MEGF11: variants seen among roughly 807,000 people sequenced by gnomAD.
MEGF11 encodes multiple EGF like domains 11.
MEGF11 carries 126 observed loss-of-function variants against 146.6 expected under a neutral mutation model. That is an observed-to-expected ratio of 0.86 (90% CI 0.74 to 1.00). The LOEUF (loss-of-function observed/expected upper bound fraction) is 1.00, where lower values mean the gene tolerates loss of function less well. MEGF11 is among the 50% of genes least tolerant of loss of function. The pLI is 0.00. For synonymous variants in MEGF11, 532 were observed against 583.4 expected (o/e 0.91, Z 1.27); for missense variants, 1,509 against 1,521.2 (o/e 0.99, Z 0.13).
chr15:66,240,032 G>A (rs940329637), intron 1 of MEGF11, among the ~76,000 whole-genome samples: 45 of 152,136 alleles, frequency 3.0e-4, no homozygotes, highest in African/African-American at 1.0e-3. Context: ...GCTGGCATTC[G>A]CTTTTCCTCC....
At chr15:66,225,711 C>T (rs2140179491) in intron 1 of MEGF11, among the ~76,000 whole-genome samples, 1 of 152,274 alleles carries the variant, frequency 6.6e-6, no homozygotes, top group African/African-American at 2.4e-5. Flanking sequence ...CAACCCCATG[C>T]ACTCACACAC....
chr15:66,175,569 G>A (rs2090370674), intron 1 of MEGF11, among the ~76,000 whole-genome samples: 2 of 152,180 alleles, frequency 1.3e-5, no homozygotes, highest in South Asian at 2.1e-4. Context: ...ATACAATGGG[G>A]AAAGGACATT....
chr15:65,913,520 AC>A, intron 20 of MEGF11: 1 of 597,796 alleles, frequency 1.7e-6, no homozygotes, highest in Non-Finnish European at 3.0e-6. Context: ...GAGGCTCCCA[AC>A]CACAGCTGCT....
At chr15:66,167,351 C>T (rs997030643) in intron 1 of MEGF11, among the ~76,000 whole-genome samples, 2 of 152,116 alleles carry the variant, frequency 1.3e-5, no homozygotes, top group African/African-American at 4.8e-5. Flanking sequence ...CTAAAGAAGG[C>T]CCATGGATGG....
chr15:65,896,717 A>G lies in MEGF11; in HGVS notation c.*1217T>C, dbSNP rs1248715415. The G allele has an allele frequency of 1.3e-5, 2 of 152,212 alleles. No individual in the cohort carries two copies. Among genetic ancestry groups the G allele is most frequent in the Non-Finnish European group, 2.9e-5 (2 of 68,042 alleles). The allele number at this position is 152,212 out of a possible 1,614,324, so 9.4% of individuals were successfully genotyped here. On this transcript the variant is annotated 3_prime_UTR_variant, in exon 26 of 26. Transcript: ENST00000395614. ...ACATCTGAATACTGGGATCTGGAGC[A>G]TTAGCTCATTGTAATGCATATTGGG...
intron 1 of MEGF11, among the ~76,000 whole-genome samples, chr15:66,177,828 A>C (rs1039448059): frequency 6.6e-6 from 1 of 151,726 alleles, no homozygotes. Context: ...GGGACTACAG[A>C]TGCATGACAC....
chr15:65,898,816 A>G lies in MEGF11; in HGVS notation c.3174T>C (p.Tyr1058=), dbSNP rs139778482. 142 of 1,613,896 alleles carry G rather than the reference A, an allele frequency of 8.8e-5. No individual in the cohort carries two copies. Among genetic ancestry groups the G allele is most frequent in the Middle Eastern group, 3.3e-4 (2 of 6,084 alleles). ...TGTGCACAGGCGACTTCATTTCTAC[A>G]TAGCTGCTTTCTGGAAGCTTGCAGG... is the stretch of plus-strand genomic sequence containing the variant. ...ILTCKLPESS[Y]VEMKSPVHMG... is the part of the protein sequence containing the mutation. Residue 1058 remains tyrosine (Y), a synonymous_variant, in exon 25 of 26, where the codon TAT becomes TAC. Transcript: ENST00000395614.
intron 4 of MEGF11, among the ~76,000 whole-genome samples, chr15:66,108,550 G>A (rs1478545490): frequency 1.3e-5 from 2 of 152,220 alleles, no homozygotes; most frequent in Non-Finnish European, 2.9e-5. Context: ...TTGCAGACGG[G>A]GCGGTCAGGG....
At chr15:66,119,833 G>A (rs2087932518) in intron 3 of MEGF11, among the ~76,000 whole-genome samples, 2 of 152,156 alleles carry the variant, frequency 1.3e-5, no homozygotes, top group Admixed American at 6.5e-5. Flanking sequence ...TGCAGCACTG[G>A]GAGTCAGACA....
chr15:66,136,563 G>A (rs564158194), intron 1 of MEGF11, among the ~76,000 whole-genome samples: 2 of 152,214 alleles, frequency 1.3e-5, no homozygotes, highest in African/African-American at 4.8e-5. Flanking sequence ...GAAACCAATT[G>A]TTTCAAAGTT....
chr15:66,125,856 T>G lies in MEGF11; in HGVS notation c.99-1856A>C, dbSNP rs984017166. Among the ~76,000 whole-genome samples, 18 of 152,122 alleles carry G rather than the reference T, an allele frequency of 1.2e-4. 1 individual carries two copies. Among genetic ancestry groups the G allele is most frequent in the Admixed American group, 3.3e-4 (5 of 15,284 alleles). On this transcript the variant is annotated intron_variant, in intron 2 of 25. Coordinates refer to ENST00000395614, the MANE Select transcript of MEGF11 (RefSeq NM_001385028.1). The stretch of plus-strand genomic sequence containing the variant: ...CCAGCCTCCCTTTTCAGCCCTAACA[T>G]AGACCTTGGATGCCCAGAGAGAAGC...
chr15:65,961,594 C>T (rs1021542813), intron 9 of MEGF11, among the ~76,000 whole-genome samples: 20 of 152,244 alleles, frequency 1.3e-4, no homozygotes, highest in African/African-American at 4.6e-4. Context: ...GTGTGTGCTG[C>T]AAATAATTGA....
chr15:65,978,141 C>T (rs1367741480), intron 7 of MEGF11, among the ~76,000 whole-genome samples: 1 of 152,160 alleles, frequency 6.6e-6, no homozygotes, highest in Non-Finnish European at 1.5e-5. Context: ...TGGGGAGGTG[C>T]ATGGTGTGAA....
chr15:66,130,236 C>T (rs548527710), intron 1 of MEGF11, among the ~76,000 whole-genome samples: 1 of 152,162 alleles, frequency 6.6e-6, no homozygotes, highest in Non-Finnish European at 1.5e-5. Context: ...AAAAGTGGAA[C>T]AAGCATCTTC....
In MEGF11 at chr15:66,110,471, G is replaced by A. The variant is rs566588447; in HGVS notation, c.301+8615C>T. ...CAGTGGGGCTCTGTCGGGGGTGGAC[G>A]GGCAGCTATGCCTTCCTTGCCTCCC... On this transcript the variant is annotated intron_variant, in intron 4 of 25. Coordinates refer to ENST00000395614, the MANE Select transcript of MEGF11 (RefSeq NM_001385028.1). 1.8e-3 allele frequency among the ~76,000 whole-genome samples: 273 copies of A among 152,220 alleles called. 1 individual carries two copies. Among genetic ancestry groups the A allele is most frequent in the African/African-American group, 5.9e-3 (247 of 41,516 alleles).
chr15:66,126,897 C>T (rs1206975563), intron 2 of MEGF11, among the ~76,000 whole-genome samples: 1 of 152,222 alleles, frequency 6.6e-6, no homozygotes, highest in Non-Finnish European at 1.5e-5. Context: ...AATATTGAAT[C>T]AGCATCTCCG....
chr15:66,219,559 A>G (rs2091678807), intron 1 of MEGF11, among the ~76,000 whole-genome samples: 1 of 152,110 alleles, frequency 6.6e-6, no homozygotes, highest in Non-Finnish European at 1.5e-5. Context: ...ACGCCACCAC[A>G]CCCAATGCTG....
At chr15:66,009,241 GTTTTT>G (rs10540363) in intron 5 of MEGF11, among the ~76,000 whole-genome samples, 3 of 143,070 alleles carry the variant, frequency 2.1e-5, no homozygotes, top group African/African-American at 2.6e-5. Context: ...GTTAACCTAA[GTTTTT>G]TTTTTTTTTT....
chr15:66,211,713 T>C (rs932898929), intron 1 of MEGF11, among the ~76,000 whole-genome samples: 10 of 151,688 alleles, frequency 6.6e-5, no homozygotes, highest in Admixed American at 2.0e-4. Context: ...GTCAAATATT[T>C]TGACTATGAC....
Sources: allele counts gnomAD v4.1 joint callset (sites outside exome capture counted in the v4.1 genomes callset), GRCh38; gene constraint gnomAD v4.1.1; transcripts MANE v1.5; gene names NCBI Gene and HGNC (gene_info 2026-07-23, HGNC 2026-07-21).